Variants in CCDC150 observed in about 807,000 individuals in gnomAD.
CCDC150 encodes the protein coiled-coil domain containing 150, also known as coiled-coil domain-containing protein 150.
CCDC150 carries 151 observed loss-of-function variants against 156.5 expected under a neutral mutation model. The observed-to-expected ratio is 0.97, with a 90% CI of 0.85 to 1.10. The LOEUF is 1.10. CCDC150 is among the 50% of genes least tolerant of loss of function. The pLI is 0.00. For synonymous variants in CCDC150, 452 were observed against 429.4 expected (o/e 1.05, Z -0.65); for missense variants, 1,312 against 1,268.1 (o/e 1.03, Z -0.53).
At chr2:196,708,031 G>A (rs748679684) in intron 15 of CCDC150, among the ~76,000 whole-genome samples, 15 of 152,260 alleles carry the variant, frequency 9.9e-5, no homozygotes, top group Non-Finnish European at 1.6e-4. Context: ...TCTGCGTGGT[G>A]CAAAGCTGAG....
chr2:196,650,202 CATT>C (rs756004097), intron 2 of CCDC150, among the ~76,000 whole-genome samples: 17 of 152,116 alleles, frequency 1.1e-4, no homozygotes, highest in Admixed American at 3.3e-4. Context: ...TATTATGAAA[CATT>C]GTTGAATTTT....
chr2:196,728,623 A>G (rs889678314), intron 22 of CCDC150, among the ~76,000 whole-genome samples: 1 of 152,198 alleles, frequency 6.6e-6, no homozygotes, highest in Non-Finnish European at 1.5e-5. Flanking sequence ...ATAAAAATAT[A>G]TGCCATGGCA....
At chr2:196,730,622 C>A (rs1698468624) in intron 25 of CCDC150, among the ~76,000 whole-genome samples, 1 of 152,138 alleles carries the variant, frequency 6.6e-6, no homozygotes, top group Non-Finnish European at 1.5e-5. Context: ...AATCACTGTC[C>A]TCAACAGACT....
chr2:196,730,609 A>G (rs1054891899), intron 25 of CCDC150, among the ~76,000 whole-genome samples: 3 of 152,246 alleles, frequency 2.0e-5, no homozygotes, highest in African/African-American at 7.2e-5. Context: ...GAAAAGAGAT[A>G]TTAATCACTG....
chr2:196,699,205 T>A (rs1361711302), intron 14 of CCDC150, among the ~76,000 whole-genome samples: 1 of 152,182 alleles, frequency 6.6e-6, no homozygotes, highest in Non-Finnish European at 1.5e-5. Context: ...GTCTAAATGC[T>A]TTTTAAAACA....
At chr2:196,704,566 T>C (rs1212591747) in intron 15 of CCDC150, among the ~76,000 whole-genome samples, 1 of 152,162 alleles carries the variant, frequency 6.6e-6, no homozygotes, top group Non-Finnish European at 1.5e-5. Context: ...TTTTTTTAAT[T>C]ATACTTTAAG....
At chr2:196,677,213 A>G in intron 12 of CCDC150, 80 bp from the exon 13 acceptor site, 1 of 877,744 alleles carries the variant, frequency 1.1e-6, no homozygotes. Context: ...ATTGACATGC[A>G]GGATATGTGT....
At chr2:196,657,802 C>T (rs1693312680) in intron 4 of CCDC150, among the ~76,000 whole-genome samples, 1 of 152,098 alleles carries the variant, frequency 6.6e-6, no homozygotes, top group African/African-American at 2.4e-5. Flanking sequence ...ATATTATTAT[C>T]CCCATTTTTT....
intron 1 of CCDC150, among the ~76,000 whole-genome samples, chr2:196,642,651 G>T (rs1422109301): frequency 6.6e-6 from 1 of 152,270 alleles, no homozygotes; most frequent in East Asian, 1.9e-4. Context: ...CCTTGGCATT[G>T]TTTGGTTTTT....
intron 8 of CCDC150, among the ~76,000 whole-genome samples, chr2:196,671,041 A>C (rs1037004594): frequency 6.6e-6 from 1 of 152,184 alleles, no homozygotes; most frequent in African/African-American, 2.4e-5. Context: ...ACAGTTGATG[A>C]ACCTATATTG....
chr2:196,713,092 G>C, intron 17 of CCDC150: 1 of 490,260 alleles, frequency 2.0e-6, no homozygotes, highest in East Asian at 3.3e-5. Flanking sequence ...TGACTCTGCT[G>C]ATGAGTGATG....
intron 15 of CCDC150, among the ~76,000 whole-genome samples, chr2:196,709,398 A>G (rs1696918144): frequency 6.6e-6 from 1 of 152,096 alleles, no homozygotes; most frequent in African/African-American, 2.4e-5. Flanking sequence ...CTAGTTAGCC[A>G]TTCGTCTAAT....
intron 21 of CCDC150, among the ~76,000 whole-genome samples, chr2:196,725,742 G>A (rs963464564): frequency 1.3e-5 from 2 of 152,166 alleles, no homozygotes; most frequent in African/African-American, 2.4e-5. Context: ...TTTTTTACTC[G>A]TTTGGTTGGA....
chr2:196,666,911 C>G (rs1693880096), intron 7 of CCDC150, 63 bp downstream of exon 7: 4 of 1,568,086 alleles, frequency 2.6e-6, no homozygotes, highest in Non-Finnish European at 2.6e-6. Flanking sequence ...TGGAAAAACT[C>G]TTAAGATCCC....
chr2:196,684,393 C>G (rs116556544), intron 13 of CCDC150, among the ~76,000 whole-genome samples: 1 of 151,988 alleles, frequency 6.6e-6, no homozygotes, highest in Non-Finnish European at 1.5e-5. Flanking sequence ...TAATTTTATT[C>G]CATTGTGGTT....
At chr2:196,660,810 A>G (rs1189555251) in intron 5 of CCDC150, among the ~76,000 whole-genome samples, 1 of 152,226 alleles carries the variant, frequency 6.6e-6, no homozygotes, top group Non-Finnish European at 1.5e-5. Flanking sequence ...ATGAAGTCCA[A>G]TATATCAATT....
chr2:196,721,604 C>T lies in CCDC150; in HGVS notation c.2342C>T (p.Thr781Ile). 1.2e-6 allele frequency: 2 copies of T among 1,607,622 alleles called. No homozygotes were observed. The highest frequency in any genetic ancestry group is 2.2e-5 in the South Asian group (2 of 89,252). ...LAMSLEQALQ[T>I]NNHLQTKLDH... ...ATGAGTCTGGAACAAGCTCTCCAGACAAATAATCATCTGCAAACAAAGCTA... is the reference window on the plus strand; with the variant it reads ...ATGAGTCTGGAACAAGCTCTCCAGATAAATAATCATCTGCAAACAAAGCTA... Residue 781 changes from threonine (T) to isoleucine (I), a missense_variant, in exon 21 of 28, where the codon ACA becomes ATA. Physicochemically the swap from Thr to Ile is moderately conservative, Grantham distance 89. Transcript: ENST00000389175.
At chr2:196,648,306 T>G (rs1184785021) in intron 2 of CCDC150, among the ~76,000 whole-genome samples, 1 of 152,132 alleles carries the variant, frequency 6.6e-6, no homozygotes, top group Non-Finnish European at 1.5e-5. Context: ...CTTGTTATCT[T>G]TCATCTTTTT....
At chr2:196,723,732 A>T (rs1404154257) in intron 21 of CCDC150, among the ~76,000 whole-genome samples, 1 of 152,182 alleles carries the variant, frequency 6.6e-6, no homozygotes, top group Non-Finnish European at 1.5e-5. Flanking sequence ...CTGCAGAGTC[A>T]AAGAGACCAG....
Sources: gnomAD v4.1 joint callset for allele counts (sites outside exome capture counted in the v4.1 genomes callset) on GRCh38, gnomAD v4.1.1 for gene constraint, MANE v1.5 for transcripts, NCBI Gene and HGNC (gene_info 2026-07-23, HGNC 2026-07-21) for gene names.